Variants in TIAM1 observed in about 807,000 individuals in gnomAD.
TIAM1 encodes the protein TIAM Rac1 associated GEF 1.
A neutral mutation model predicts 163.5 loss-of-function variants in TIAM1; 65 were observed. The observed-to-expected ratio is 0.40, with a 90% CI of 0.33 to 0.49. TIAM1 has a LOEUF of 0.49. TIAM1 is among the 20% of genes least tolerant of loss of function. TIAM1 has a pLI of 0.77. For synonymous variants in TIAM1, 833 were observed against 810.1 expected (o/e 1.03, Z -0.48); for missense variants, 1,789 against 2,044.7 (o/e 0.87, Z 2.41).
At chr21:31,315,425 G>A (rs553848677) in intron 2 of TIAM1, among the ~76,000 whole-genome samples, 1 of 152,102 alleles carries the variant, frequency 6.6e-6, no homozygotes, top group East Asian at 1.9e-4. Context: ...TGAGGCAGGA[G>A]AATGGCGTGA....
intron 1 of TIAM1, among the ~76,000 whole-genome samples, chr21:31,531,536 G>A (rs879856207): frequency 3.9e-5 from 6 of 152,010 alleles, no homozygotes; most frequent in Non-Finnish European, 7.3e-5. Context: ...CCATGTGATC[G>A]CTATAGTGAA....
chr21:31,207,035 G>C (rs1485316401), intron 11 of TIAM1, among the ~76,000 whole-genome samples: 2 of 152,132 alleles, frequency 1.3e-5, no homozygotes, highest in African/African-American at 4.8e-5. Flanking sequence ...AATGGTTATA[G>C]CATATCCAAA....
intron 2 of TIAM1, among the ~76,000 whole-genome samples, chr21:31,385,975 T>C (rs1174766198): frequency 6.7e-6 from 1 of 148,266 alleles, no homozygotes; most frequent in East Asian, 1.9e-4. Context: ...ATATAATATA[T>C]ATAATAAACA....
intron 12 of TIAM1, among the ~76,000 whole-genome samples, chr21:31,195,604 T>C (rs2085806046): frequency 6.6e-6 from 1 of 152,112 alleles, no homozygotes; most frequent in African/African-American, 2.4e-5. Context: ...TGGAGATCTC[T>C]AGTTGTGGGG....
chr21:31,528,929 CTT>C (rs1174827518), intron 1 of TIAM1, among the ~76,000 whole-genome samples: 11 of 136,580 alleles, frequency 8.1e-5, no homozygotes, highest in Non-Finnish European at 9.4e-5. Context: ...TCTTTTTATT[CTT>C]TTTTTTTTTT....
At chr21:31,438,886 A>G (rs2044317692) in intron 2 of TIAM1, among the ~76,000 whole-genome samples, 1 of 152,202 alleles carries the variant, frequency 6.6e-6, no homozygotes, top group Admixed American at 6.5e-5. Flanking sequence ...CCAACTCTAG[A>G]CATTGCCAAC....
chr21:31,205,739 G>A lies in TIAM1; in HGVS notation c.2389-2727C>T, dbSNP rs572229092. 1.4e-4 allele frequency among the ~76,000 whole-genome samples: 22 copies of A among 152,306 alleles called. No individual in the cohort carries two copies. In the South Asian group the frequency reaches 4.4e-3, roughly 30 times the overall value. ...CCATCACTTTGGGAGGCCAAGGTGG[G>A]CTAGTTGCTTAAGCCCAGGAGTTTG... is the stretch of plus-strand genomic sequence containing the variant. On this transcript the variant is annotated intron_variant, in intron 11 of 27. Coordinates refer to ENST00000541036, the MANE Select transcript of TIAM1 (RefSeq NM_001353694.2).
chr21:31,557,982 T>C (rs1487267979), intron 1 of TIAM1, among the ~76,000 whole-genome samples: 1 of 151,890 alleles, frequency 6.6e-6, no homozygotes, highest in African/African-American at 2.4e-5. Flanking sequence ...ACGGCATCTT[T>C]CCCCTGCAGC....
At chr21:31,349,089 T>C (rs539921151), upstream of TIAM1, among the ~76,000 whole-genome samples, 7 of 152,362 alleles carry the variant, frequency 4.6e-5, no homozygotes, top group South Asian at 1.2e-3. Context: ...TATAAAATGA[T>C]GAATGTTCGA....
At chr21:31,240,402 G>T (rs1038044654) in intron 6 of TIAM1, among the ~76,000 whole-genome samples, 1 of 152,174 alleles carries the variant, frequency 6.6e-6, no homozygotes, top group Non-Finnish European at 1.5e-5. Context: ...AGCAAGTTTT[G>T]TGATATTTTA....
intron 2 of TIAM1, among the ~76,000 whole-genome samples, chr21:31,453,445 T>C (rs2147331366): frequency 6.6e-6 from 1 of 152,152 alleles, no homozygotes; most frequent in African/African-American, 2.4e-5. Context: ...CTCACGTCTG[T>C]AATCCCAGCA....
chr21:31,290,479 A>G (rs2073976004), intron 2 of TIAM1, among the ~76,000 whole-genome samples: 2 of 151,696 alleles, frequency 1.3e-5, no homozygotes, highest in African/African-American at 4.8e-5. Flanking sequence ...ACTAAAAAAA[A>G]GAAAAAAATA....
At chr21:31,281,840 G>A (rs183633958) in intron 2 of TIAM1, among the ~76,000 whole-genome samples, 23 of 152,122 alleles carry the variant, frequency 1.5e-4, no homozygotes, top group African/African-American at 4.8e-4. Flanking sequence ...AGTGGATGGT[G>A]AATGGATAAT....
chr21:31,208,977 GA>G (rs1360028001), intron 11 of TIAM1, among the ~76,000 whole-genome samples: 1 of 151,588 alleles, frequency 6.6e-6, no homozygotes, highest in Non-Finnish European at 1.5e-5. Context: ...CAGCCCCAAA[GA>G]AGACCAATTC....
chr21:31,243,026 GA>G (rs921237883), intron 6 of TIAM1, among the ~76,000 whole-genome samples: 1 of 148,202 alleles, frequency 6.7e-6, no homozygotes. Flanking sequence ...ACCTCTACTA[GA>G]AAAAAAAATA....
At chr21:31,183,234 A>C (rs2085121991) in intron 14 of TIAM1, among the ~76,000 whole-genome samples, 1 of 152,144 alleles carries the variant, frequency 6.6e-6, no homozygotes, top group Non-Finnish European at 1.5e-5. Context: ...CTACATCTGA[A>C]CCTTGGGATG....
rs538159652 is a variant in TIAM1, at chr21:31,442,366, G to A, written c.-369+21617C>T. On this transcript the variant is annotated intron_variant, in intron 2 of 28. Coordinates refer to the TIAM1 transcript ENST00000286827. Reference sequence around the variant, plus strand: ...TCCCACCTCAGCCTCCTGAGTAGCTGAGGCTACAGGTGCACGCCACCATGC... The same window carrying A: ...TCCCACCTCAGCCTCCTGAGTAGCTAAGGCTACAGGTGCACGCCACCATGC... 4.0e-5 allele frequency among the ~76,000 whole-genome samples: 6 copies of A among 151,000 alleles called. No homozygotes were observed. In the South Asian group the frequency reaches 6.3e-4, roughly 16 times the overall value.
At chr21:31,213,866 C>CAAAAAAA (rs35524539) in intron 9 of TIAM1, among the ~76,000 whole-genome samples, 14 of 54,842 alleles carry the variant, frequency 2.6e-4, no homozygotes, top group African/African-American at 8.7e-4. Flanking sequence ...CTCATCTCTA[C>CAAAAAAA]AAAAAAAAAA....
intron 2 of TIAM1, among the ~76,000 whole-genome samples, chr21:31,404,011 G>C (rs904745423): frequency 3.3e-5 from 5 of 152,182 alleles, no homozygotes; most frequent in African/African-American, 9.6e-5. Flanking sequence ...CTCACACAGG[G>C]CTGTCATTGT....
Sources: gnomAD v4.1 joint callset for allele counts (sites outside exome capture counted in the v4.1 genomes callset) on GRCh38, gnomAD v4.1.1 for gene constraint, MANE v1.5 for transcripts, NCBI Gene and HGNC (gene_info 2026-07-23, HGNC 2026-07-21) for gene names.